Variants in TEX15 observed in about 807,000 individuals in gnomAD.
TEX15 encodes testis expressed 15, meiosis and synapsis associated, also known as testis-expressed protein 15.
A neutral mutation model predicts 237.3 loss-of-function variants in TEX15; 171 were observed. The ratio of observed to expected loss-of-function variants is 0.72; its 90% CI spans 0.64 to 0.82. The LOEUF is 0.82. Ranked by LOEUF, TEX15 falls within the 40% of genes least tolerant of loss-of-function variation. The pLI, the probability that TEX15 is intolerant of heterozygous loss-of-function variation, is 0.00. For missense variants in TEX15, 3,750 were observed against 3,646.5 expected (o/e 1.03, Z -0.73); for synonymous variants, 1,338 against 1,269.8 (o/e 1.05, Z -1.14).
At position 30,842,806 on chromosome 8, in the gene TEX15, G is replaced by T. The variant is rs1807492738; in HGVS notation, c.7361C>A (p.Thr2454Lys). 6.2e-7 allele frequency: 1 copy of T among 1,613,252 alleles called. No homozygotes were observed. Among genetic ancestry groups the T allele is most frequent in the Non-Finnish European group, 8.5e-7 (1 of 1,179,532 alleles). ...TATTGAGTTTTTAAGAAAGTGAATT[G>T]TTTCTGAGACCATGACGATTTCAAT... ...MYIEIVMVSE[T>K]IHFLKNSIAK... Residue 2454 changes from threonine to lysine, a missense_variant, in exon 8 of 11, where the codon ACA (threonine) becomes AAA (lysine). Coordinates refer to ENST00000643185, the MANE Select transcript of TEX15 (RefSeq NM_001350162.2).
At chr8:30,835,989 G>A (rs184216342) in intron 10 of TEX15, among the ~76,000 whole-genome samples, 11 of 152,148 alleles carry the variant, frequency 7.2e-5, no homozygotes, top group African/African-American at 2.2e-4. Flanking sequence ...TCAAAATAAT[G>A]TATGTTTCAC....
At chr8:30,883,447 T>A (rs552776430) in intron 3 of TEX15, among the ~76,000 whole-genome samples, 2 of 152,144 alleles carry the variant, frequency 1.3e-5, no homozygotes, top group Non-Finnish European at 2.9e-5. Context: ...CATAGATGTA[T>A]GTGTGCCATG....
At chr8:30,875,488 ATGAT>A (rs1808381295) in intron 3 of TEX15, among the ~76,000 whole-genome samples, 1 of 152,244 alleles carries the variant, frequency 6.6e-6, no homozygotes, top group South Asian at 2.1e-4. Flanking sequence ...ACATTAGAAA[ATGAT>A]TGGGTTATTT....
In TEX15 at chr8:30,846,367, T is replaced by C. The variant is rs1585284496; in HGVS notation, c.3800A>G (p.Asn1267Ser). The C allele has an allele frequency of 6.8e-6, 11 of 1,613,358 alleles. No homozygotes were observed. Among genetic ancestry groups the C allele is most frequent in the African/African-American group, 2.7e-5 (2 of 75,036 alleles). ...NSESLFTEPS[N>S]VTTIDDGSRC... is the part of the protein sequence containing the mutation. ...GCTTCCATCATCTATTGTTGTGACA[T>C]TAGAAGGTTCAGTAAACAAAGATTC... Residue 1267 changes from asparagine (N) to serine (S), a missense_variant, in exon 8 of 11, where the codon AAT (asparagine) becomes AGT (serine). Asn to Ser is a conservative substitution (Grantham distance 46). Transcript: ENST00000643185.
intron 1 of TEX15, among the ~76,000 whole-genome samples, chr8:30,900,918 G>A (rs1346873806): frequency 1.3e-5 from 2 of 152,118 alleles, no homozygotes; most frequent in East Asian, 1.9e-4. Context: ...AGCACTTTGG[G>A]AGGCCAAGGC....
intron 1 of TEX15, among the ~76,000 whole-genome samples, chr8:30,912,532 T>G (rs1809254028): frequency 6.6e-6 from 1 of 152,064 alleles, no homozygotes. Context: ...TCTCCTCAGC[T>G]GCAAACAAGG....
At chr8:30,900,585 G>C (rs1216430649) in intron 1 of TEX15, among the ~76,000 whole-genome samples, 1 of 152,202 alleles carries the variant, frequency 6.6e-6, no homozygotes, top group Non-Finnish European at 1.5e-5. Flanking sequence ...TAACACAACT[G>C]TCATGTATAA....
At chr8:30,882,487 C>T (rs1481420765) in intron 3 of TEX15, among the ~76,000 whole-genome samples, 3 of 152,060 alleles carry the variant, frequency 2.0e-5, no homozygotes, top group Non-Finnish European at 2.9e-5. Flanking sequence ...AGGGTTTCAC[C>T]GTGTAAGCCA....
In TEX15 at chr8:30,843,496, T is replaced by A; in HGVS notation, c.6671A>T (p.Asp2224Val). 1 of 1,612,808 alleles carries A rather than the reference T, an allele frequency of 6.2e-7. No individual in the cohort carries two copies. Among genetic ancestry groups the A allele is most frequent in the East Asian group, 2.2e-5 (1 of 44,844 alleles). ...STLKLINVCG[D>V]SPKVHSYPGK... is the part of the protein sequence containing the mutation. ...TGGATACGAATGAACTTTAGGAGAG[T>A]CCCCACATACATTGATCAACTTTAA... The change falls in exon 8 of 11, where the codon GAC becomes GTC. Residue 2224 changes from aspartate (D) to valine (V), a missense_variant. Transcript: ENST00000643185.
intron 7 of TEX15, among the ~76,000 whole-genome samples, chr8:30,851,284 A>G (rs999781323): frequency 2.0e-5 from 3 of 152,268 alleles, no homozygotes; most frequent in Non-Finnish European, 4.4e-5. Context: ...AGCATACGTT[A>G]TAACAAATGT....
rs1164594718 is a variant in TEX15, at chr8:30,881,610, C to CTTTTTTTTT, written c.136+5556_136+5557insAAAAAAAAA. ...TTCATTAATTATCCTTCCATCTTGA[C>CTTTTTTTTT]TTTTTATTTTTTTTTATTATTTTTT... On this transcript the variant is annotated intron_variant, in intron 3 of 10. Transcript: ENST00000643185. Among the ~76,000 whole-genome samples, 228 of 109,416 alleles carry CTTTTTTTTT rather than the reference C, an allele frequency of 2.1e-3. 56 individuals are homozygous for CTTTTTTTTT. The highest frequency in any genetic ancestry group is 7.9e-3 in the African/African-American group (122 of 15,402). 71.8% of individuals were successfully genotyped at this position (109,416 alleles called of 152,430 possible). A position where few individuals can be genotyped will look rare whatever the true frequency, so the allele number is the denominator to read the frequency against.
Position 30,844,851 on chromosome 8 carries a change from G to C in TEX15, c.5316C>G (p.Cys1772Trp). ...CTGTATGGAGGCAATTACCTGAAGA[G>C]CACTGTTCTGTCTTTAGAAGCTCTT... The part of the protein sequence containing the change: ...REKELLKTEQ[C>W]SSGNCLHTDG... Residue 1772 changes from cysteine to tryptophan, a missense_variant, in exon 8 of 11, where the codon TGC (cysteine) becomes TGG (tryptophan). By Grantham distance (215) the Cys-to-Trp change is radical (BLOSUM62 -2). Transcript: ENST00000643185. 1 of 1,613,428 alleles carries C rather than the reference G, an allele frequency of 6.2e-7. No individual in the cohort carries two copies. Among genetic ancestry groups the C allele is most frequent in the Non-Finnish European group, 8.5e-7 (1 of 1,179,560 alleles).
In TEX15 at chr8:30,846,961, T is replaced by A; in HGVS notation, c.3206A>T (p.Asp1069Val). 6.2e-7 allele frequency: 1 copy of A among 1,613,804 alleles called. No homozygotes were observed. Among genetic ancestry groups the A allele is most frequent in the Non-Finnish European group, 8.5e-7 (1 of 1,179,738 alleles). Reference sequence around the variant, plus strand: ...ATCTTGTTGAAATATAAAAGCATCATCACAATCTTCTAATTCTATTTCAAT... The same window carrying A: ...ATCTTGTTGAAATATAAAAGCATCAACACAATCTTCTAATTCTATTTCAAT... ...SEIEIELEDC[D>V]DAFIFQQDTH... The change falls in exon 8 of 11, where the codon GAT (aspartate) becomes GTT (valine). Residue 1069 changes from aspartate to valine, a missense_variant. Coordinates refer to ENST00000643185, the MANE Select transcript of TEX15 (RefSeq NM_001350162.2).
rs1563231563 is a variant in TEX15, at chr8:30,842,340, C to G, written c.7827G>C (p.Met2609Ile). The G allele has an allele frequency of 6.2e-7, 1 of 1,613,774 alleles. No homozygotes were observed. The highest frequency in any genetic ancestry group is 1.7e-5 in the Admixed American group (1 of 59,978). ...TTTTCATGACTTTCCTAATGTGGGC[C>G]ATTTTTCCTAAATCTTTCCTAGGGG... ...MSAPRKDLGK[M>I]AHIRKVMKTI... The change falls in exon 8 of 11, where the codon ATG becomes ATC. Residue 2609 changes from methionine to isoleucine, a missense_variant. Transcript: ENST00000643185.
chr8:30,859,004 C>T (rs965428203), intron 6 of TEX15, among the ~76,000 whole-genome samples, 174 bp from the exon 7 acceptor site: 4 of 151,916 alleles, frequency 2.6e-5, no homozygotes, highest in African/African-American at 9.7e-5. Context: ...CCTTTTTCTC[C>T]CCCACAATTT....
At chr8:30,911,427 C>T (rs1325995982) in intron 1 of TEX15, among the ~76,000 whole-genome samples, 2 of 152,226 alleles carry the variant, frequency 1.3e-5, no homozygotes, top group Non-Finnish European at 2.9e-5. Flanking sequence ...GCTAGGACTA[C>T]AGGCGTTGAG....
chr8:30,837,482 C>T lies in TEX15; in HGVS notation c.8802G>A (p.Met2934Ile), dbSNP rs1256942000. ...VNSSIKNSSC[M>I]TSPEPICIQN... is the part of the protein sequence containing the mutation. ...GGATACAGATGGGTTCTGGAGAAGT[C>T]ATGCATGAGGAATTTTTAATAGATG... Residue 2934 changes from methionine to isoleucine, a missense_variant, in exon 10 of 11, where the codon ATG becomes ATA. Met to Ile is a conservative substitution (Grantham distance 10). Transcript: ENST00000643185. The T allele has an allele frequency of 4.3e-6, 7 of 1,613,820 alleles. No individual in the cohort carries two copies. In the South Asian group the frequency reaches 7.7e-5, roughly 18 times the overall value.
intron 6 of TEX15, among the ~76,000 whole-genome samples, chr8:30,859,326 G>A (rs1807985532): frequency 6.6e-6 from 1 of 151,922 alleles, no homozygotes; most frequent in African/African-American, 2.4e-5. Context: ...TTCATCTGAT[G>A]ACTAATACAT....
chr8:30,836,749 GAC>G (rs1807309032), intron 10 of TEX15, 52 bp downstream of exon 10: 1 of 1,419,420 alleles, frequency 7.0e-7, no homozygotes, highest in Non-Finnish European at 9.6e-7. Context: ...TACATAAATG[GAC>G]ACAGTTAAAA....
Sources: gnomAD v4.1 joint callset for allele counts (sites outside exome capture counted in the v4.1 genomes callset) on GRCh38, gnomAD v4.1.1 for gene constraint, MANE v1.5 for transcripts, NCBI Gene and HGNC (gene_info 2026-07-23, HGNC 2026-07-21) for gene names.